Variants in FBXL17 observed in about 807,000 individuals in gnomAD.
FBXL17 encodes the protein F-box and leucine rich repeat protein 17.
Under a neutral mutation model 66.2 loss-of-function variants are expected in FBXL17, and 22 were observed. That is an observed-to-expected ratio of 0.33 (90% CI 0.24 to 0.47). FBXL17 has a LOEUF of 0.47. Ranked by LOEUF, FBXL17 falls within the 20% of genes least tolerant of loss-of-function variation. The pLI, the probability that FBXL17 is intolerant of heterozygous loss-of-function variation, is 1.00. For synonymous variants in FBXL17, 474 were observed against 400.5 expected, an observed-to-expected ratio of 1.18 and a Z score of -2.19; for missense variants, 878 against 948.2, an observed-to-expected ratio of 0.93 and a Z score of 0.97.
chr5:108,110,263 CTT>C (rs968192392), intron 6 of FBXL17, among the ~76,000 whole-genome samples: 6 of 152,100 alleles, frequency 3.9e-5, no homozygotes, highest in Non-Finnish European at 8.8e-5. Context: ...AAGATCCTCT[CTT>C]CAAGTTTAAT....
intron 5 of FBXL17, among the ~76,000 whole-genome samples, chr5:108,195,860 G>C (rs1436328822): frequency 6.6e-6 from 1 of 152,094 alleles, no homozygotes; most frequent in Non-Finnish European, 1.5e-5. Flanking sequence ...ACCATTCCAA[G>C]AGTTTTGGTT....
intron 6 of FBXL17, among the ~76,000 whole-genome samples, chr5:108,157,484 C>CT (rs1752040132): frequency 6.6e-6 from 1 of 151,258 alleles, no homozygotes; most frequent in Non-Finnish European, 1.5e-5. Context: ...ACAAATAAAA[C>CT]TTTTTTATTT....
chr5:108,133,638 G>A (rs2149978918), intron 6 of FBXL17, among the ~76,000 whole-genome samples: 1 of 151,914 alleles, frequency 6.6e-6, no homozygotes, highest in East Asian at 1.9e-4. Flanking sequence ...AGAAATGGAG[G>A]GCTGAGAAGA....
intron 5 of FBXL17, among the ~76,000 whole-genome samples, chr5:108,198,313 T>A (rs1182721834): frequency 6.6e-6 from 1 of 152,084 alleles, no homozygotes; most frequent in East Asian, 1.9e-4. Context: ...CAACCCATGC[T>A]CCAAAGTCTG....
At chr5:108,328,624 T>C (rs1759975028) in intron 4 of FBXL17, among the ~76,000 whole-genome samples, 1 of 152,048 alleles carries the variant, frequency 6.6e-6, no homozygotes, top group South Asian at 2.1e-4. Flanking sequence ...TTTCTGAAAA[T>C]AATCACCAGA....
In FBXL17 at chr5:107,860,938, G is replaced by C. The variant is rs914662854; in HGVS notation, c.*782C>G. 1.3e-5 allele frequency: 2 copies of C among 152,104 alleles called. No individual in the cohort carries two copies. The highest frequency in any genetic ancestry group is 6.6e-5 in the Admixed American group (1 of 15,262). 9.4% of individuals were successfully genotyped at this position (152,104 alleles called of 1,614,324 possible). A position where few individuals can be genotyped will look rare whatever the true frequency, so the allele number is the denominator to read the frequency against. On this transcript the variant is annotated 3_prime_UTR_variant, in exon 9 of 9. Transcript: ENST00000542267. ...TATATCCTGACCAGTTACTATCCAGGAAATAAAAGCTAACACAATGTTAAC... is the reference window on the plus strand; with the variant it reads ...TATATCCTGACCAGTTACTATCCAGCAAATAAAAGCTAACACAATGTTAAC...
chr5:108,074,545 T>G (rs921746811), intron 6 of FBXL17, among the ~76,000 whole-genome samples: 1 of 152,122 alleles, frequency 6.6e-6, no homozygotes, highest in Non-Finnish European at 1.5e-5. Context: ...TTATCTCTAC[T>G]CTTTCTTCCT....
intron 4 of FBXL17, among the ~76,000 whole-genome samples, chr5:108,306,902 C>T (rs1758868622): frequency 6.6e-6 from 1 of 152,062 alleles, no homozygotes; most frequent in African/African-American, 2.4e-5. Context: ...GCAATTACTC[C>T]ATACTATTAA....
At chr5:108,153,138 G>A (rs1306255548) in intron 6 of FBXL17, among the ~76,000 whole-genome samples, 1 of 152,152 alleles carries the variant, frequency 6.6e-6, no homozygotes, top group African/African-American at 2.4e-5. Context: ...CCCCAGCCAT[G>A]TGGAACTGTG....
intron 5 of FBXL17, among the ~76,000 whole-genome samples, chr5:108,199,002 T>C (rs939978262): frequency 1.3e-5 from 2 of 152,122 alleles, no homozygotes; most frequent in African/African-American, 2.4e-5. Context: ...CACTACTTTC[T>C]GAAACAAAGA....
At chr5:108,022,115 T>A (rs927378698) in intron 6 of FBXL17, among the ~76,000 whole-genome samples, 2 of 151,916 alleles carry the variant, frequency 1.3e-5, no homozygotes, top group African/African-American at 2.4e-5. Flanking sequence ...TTTTTAAAAA[T>A]TTTTTATGGA....
chr5:107,864,846 C>A (rs1214522902), intron 8 of FBXL17, among the ~76,000 whole-genome samples: 1 of 152,212 alleles, frequency 6.6e-6, no homozygotes, highest in African/African-American at 2.4e-5. Context: ...TACCCAGTTT[C>A]AGCTATTCCT....
chr5:108,197,219 G>A (rs893764681), intron 5 of FBXL17, among the ~76,000 whole-genome samples: 1 of 152,064 alleles, frequency 6.6e-6, no homozygotes, highest in Non-Finnish European at 1.5e-5. Flanking sequence ...TTACCCAGCA[G>A]GAGCTAAGAA....
At chr5:108,125,383 C>T (rs1165272688) in intron 6 of FBXL17, among the ~76,000 whole-genome samples, 2 of 151,826 alleles carry the variant, frequency 1.3e-5, no homozygotes, top group Admixed American at 1.3e-4. Context: ...GATAAAGCTA[C>T]ATAAAAATAA....
intron 5 of FBXL17, among the ~76,000 whole-genome samples, chr5:108,191,805 T>G: frequency 6.6e-6 from 1 of 152,212 alleles, no homozygotes; most frequent in East Asian, 1.9e-4. Flanking sequence ...CATTTCTCAC[T>G]CTTCCAGTGG....
intron 6 of FBXL17, among the ~76,000 whole-genome samples, chr5:108,153,129 C>T (rs1246310142): frequency 1.3e-5 from 2 of 152,122 alleles, no homozygotes; most frequent in Non-Finnish European, 2.9e-5. Context: ...GTGAGGCCTC[C>T]CCAGCCATGT....
At chr5:108,205,876 A>T (rs1304407433) in intron 5 of FBXL17, among the ~76,000 whole-genome samples, 1 of 152,084 alleles carries the variant, frequency 6.6e-6, no homozygotes, top group African/African-American at 2.4e-5. Context: ...AGATGGGATT[A>T]CAGTCACTCC....
chr5:107,925,118 T>C (rs1750483626), intron 7 of FBXL17, among the ~76,000 whole-genome samples: 1 of 152,220 alleles, frequency 6.6e-6, no homozygotes, highest in African/African-American at 2.4e-5. Context: ...TCTAATTTGA[T>C]GAAAGAGCTG....
rs188238663 is a variant in FBXL17 at position 108,007,768 on chromosome 5, C to G, written c.1822+13157G>C. Among the ~76,000 whole-genome samples the G allele has an allele frequency of 9.8e-4, 149 of 152,068 alleles. 1 individual carries two copies. Among genetic ancestry groups the G allele is most frequent in the Non-Finnish European group, 1.5e-3 (104 of 68,022 alleles). ...ATGAAGTCTAGGAACGAAGATGAAG[C>G]ATGAACTTCATGCAAAAGACAGCAT... On this transcript the variant is annotated intron_variant, in intron 7 of 8. Transcript: ENST00000542267.
Sources: gnomAD v4.1 joint callset for allele counts (sites outside exome capture counted in the v4.1 genomes callset) on GRCh38, gnomAD v4.1.1 for gene constraint, MANE v1.5 for transcripts, NCBI Gene and HGNC (gene_info 2026-07-23, HGNC 2026-07-21) for gene names.